Variants in LRP6 observed in about 807,000 individuals in gnomAD.
The protein encoded by LRP6 is low-density lipoprotein receptor-related protein 6.
A neutral mutation model predicts 184.1 loss-of-function variants in LRP6; 43 were observed. The ratio of observed to expected loss-of-function variants is 0.23; its 90% confidence interval spans 0.18 to 0.30. The LOEUF is 0.30. Among genes scored for constraint, LRP6 ranks in the 10% least tolerant of loss-of-function variants. The pLI is 1.00. For synonymous variants in LRP6, 719 were observed against 684.9 expected, an observed-to-expected ratio of 1.05 and a Z score of -0.78; for missense variants, 1,571 against 2,005.3, an observed-to-expected ratio of 0.78 and a Z score of 4.14.
chr12:12,187,760 C>CA (rs1863512540), intron 3 of LRP6, among the ~76,000 whole-genome samples: 1 of 152,042 alleles, frequency 6.6e-6, no homozygotes, highest in Non-Finnish European at 1.5e-5. Flanking sequence ...ATTCAGGCAG[C>CA]CAAAAAGAAG....
chr12:12,250,925 T>A lies in LRP6; in HGVS notation c.56-6270A>T, dbSNP rs528102663. Among the ~76,000 whole-genome samples, 6 of 147,826 alleles carry A rather than the reference T, an allele frequency of 4.1e-5. No individual in the cohort carries two copies. The South Asian group carries it at 1.3e-3, about 32-fold the overall frequency. On this transcript the variant is annotated intron_variant, in intron 1 of 22. Transcript: ENST00000261349. ...ACGTGAGCCAACGCACCTGGCTTGA[T>A]TTTTTTCTTCTTCTTCGTTTTTCGA...
intron 2 of LRP6, among the ~76,000 whole-genome samples, chr12:12,240,779 T>C (rs1180499700): frequency 6.6e-6 from 1 of 152,064 alleles, no homozygotes; most frequent in East Asian, 1.9e-4. Context: ...ATCACCAAGA[T>C]TAGTACGGTT....
At position 12,127,561 on chromosome 12, in the gene LRP6, A is replaced by G. The variant is rs973103607; in HGVS notation, c.4082-640T>C. ...AACATAAGGTCTTTAATACCTGATT[A>G]CTGGAGGACTCACAAAGAAAGGCCA... On this transcript the variant is annotated intron_variant, in intron 19 of 22. Transcript: ENST00000261349. Among the ~76,000 whole-genome samples the G allele has an allele frequency of 1.6e-3, 249 of 152,292 alleles. 1 individual carries two copies. Among genetic ancestry groups the G allele is most frequent in the African/African-American group, 5.6e-3 (233 of 41,562 alleles).
chr12:12,221,366 C>A (rs1864484253), intron 2 of LRP6, among the ~76,000 whole-genome samples: 1 of 152,166 alleles, frequency 6.6e-6, no homozygotes, highest in Non-Finnish European at 1.5e-5. Context: ...ATAACCAGTT[C>A]TTGAATATTA....
chr12:12,241,983 A>G (rs1267665369), intron 2 of LRP6, among the ~76,000 whole-genome samples: 4 of 152,236 alleles, frequency 2.6e-5, no homozygotes, highest in Non-Finnish European at 5.9e-5. Flanking sequence ...TGCTACCCAG[A>G]AGTAAAGCTC....
intron 2 of LRP6, among the ~76,000 whole-genome samples, chr12:12,206,330 C>A (rs1437971030): frequency 2.0e-5 from 3 of 151,510 alleles, no homozygotes; most frequent in Non-Finnish European, 2.9e-5. Context: ...ATCACGAGGT[C>A]AGGAGATTGA....
intron 15 of LRP6, among the ~76,000 whole-genome samples, chr12:12,139,859 T>A (rs1285469151): frequency 1.3e-5 from 2 of 152,104 alleles, no homozygotes; most frequent in African/African-American, 4.8e-5. Context: ...CCAGGGATAA[T>A]GACACAGTAG....
intron 15 of LRP6, among the ~76,000 whole-genome samples, chr12:12,144,911 C>T (rs1412486544): frequency 1.0e-4 from 3 of 30,010 alleles, no homozygotes; most frequent in African/African-American, 9.5e-4. Context: ...TGGGGCCTGT[C>T]GGGGGGTGGG....
At chr12:12,176,848 T>C (rs2075341224) in intron 7 of LRP6, among the ~76,000 whole-genome samples, 1 of 148,618 alleles carries the variant, frequency 6.7e-6, no homozygotes, top group South Asian at 2.1e-4. Context: ...CCAAACTTTT[T>C]TTTTTTTTTT....
In LRP6 at chr12:12,159,247, C is replaced by A. The variant is rs1001778889; in HGVS notation, c.2465-92G>T. On this transcript the variant is annotated intron_variant, in intron 11 of 22. Transcript: ENST00000261349. ...TTGCTGGCAAAAAGAAAAAAAAAAG[C>A]CCTAACATATAAAACATTACATTGT... 3.3e-6 allele frequency: 3 copies of A among 895,668 alleles called. No individual in the cohort carries two copies. In the East Asian group the frequency reaches 7.6e-5, roughly 23 times the overall value. 55.5% of individuals were successfully genotyped at this position (895,668 alleles called of 1,614,324 possible).
At position 12,126,817 on chromosome 12, in the gene LRP6, T is replaced by C; in HGVS notation, c.4186A>G (p.Arg1396Gly). The C allele has an allele frequency of 1.9e-6, 3 of 1,614,098 alleles. No homozygotes were observed. The highest frequency in any genetic ancestry group is 2.5e-6 in the Non-Finnish European group (3 of 1,179,960). Residue 1396 changes from arginine to glycine, a missense_variant, in exon 20 of 23, where the codon AGG becomes GGG. Coordinates refer to ENST00000261349, the MANE Select transcript of LRP6 (RefSeq NM_002336.3). Reference protein sequence around the residue: ...VSGTVYFICQRMLCPRMKGDG... With the variant: ...VSGTVYFICQGMLCPRMKGDG... ...CCCTTCATACGTGGACACAACATCC[T>C]CTGGCAGATAAAGTATACAGTTCCA...
chr12:12,182,705 G>A (rs909962231), intron 5 of LRP6, among the ~76,000 whole-genome samples: 1 of 152,156 alleles, frequency 6.6e-6, no homozygotes, highest in African/African-American at 2.4e-5. Flanking sequence ...CAGCCCAAAT[G>A]CCACTGCAGG....
At chr12:12,132,130 G>A (rs1382285800) in intron 17 of LRP6, 73 bp from the exon 18 acceptor site, 5 of 892,654 alleles carry the variant, frequency 5.6e-6, no homozygotes, top group Middle Eastern at 2.6e-4. Context: ...ACACATACCT[G>A]AGTGAAGCTC....
chr12:12,131,051 G>C (rs371939844), intron 18 of LRP6, among the ~76,000 whole-genome samples, 158 bp from the exon 19 acceptor site: 54 of 147,202 alleles, frequency 3.7e-4, no homozygotes, highest in African/African-American at 1.3e-3. Flanking sequence ...GGTTGAGAGA[G>C]AGAAAAAAGA....
intron 2 of LRP6, among the ~76,000 whole-genome samples, chr12:12,223,962 A>T (rs1249560810): frequency 6.6e-6 from 1 of 152,200 alleles, no homozygotes; most frequent in Non-Finnish European, 1.5e-5. Flanking sequence ...CTATACCTTT[A>T]TATGAAGCAA....
At chr12:12,224,088 C>A (rs1864554281) in intron 2 of LRP6, among the ~76,000 whole-genome samples, 1 of 152,182 alleles carries the variant, frequency 6.6e-6, no homozygotes, top group South Asian at 2.1e-4. Flanking sequence ...CCCCCATCAC[C>A]CACTTCAATG....
rs779632478 is a variant in LRP6, at chr12:12,179,905, A to G, written c.1450T>C (p.Leu484=). 5 of 1,613,876 alleles carry G rather than the reference A, an allele frequency of 3.1e-6. No homozygotes were observed. In the East Asian group the frequency reaches 1.1e-4, roughly 36 times the overall value. ...GGCCAACCAAGAGAAGTGTTAACCA[A>G]TACTACACGGTCAGAACCATCCAGA... ...AALDGSDRVV[L]VNTSLGWPNG... is the part of the protein sequence containing the mutation. The change falls in exon 7 of 23, where the codon TTG becomes CTG. Residue 484 remains leucine (L), a synonymous_variant. Transcript: ENST00000261349.
chr12:12,224,604 AAATT>A (rs1337563391), intron 2 of LRP6, among the ~76,000 whole-genome samples: 23 of 152,260 alleles, frequency 1.5e-4, no homozygotes, highest in Non-Finnish European at 2.2e-4. Flanking sequence ...TATCAAAAAT[AAATT>A]AATGAAAGCT....
chr12:12,183,909 T>G, intron 5 of LRP6, 71 bp downstream of exon 5: 1 of 1,426,716 alleles, frequency 7.0e-7, no homozygotes, highest in East Asian at 2.3e-5. Context: ...AGAGAGCTGA[T>G]TATAGAGAAA....
Sources: allele counts gnomAD v4.1 joint callset (sites outside exome capture counted in the v4.1 genomes callset), GRCh38; gene constraint gnomAD v4.1.1; transcripts MANE v1.5; gene names NCBI Gene and HGNC (gene_info 2026-07-23, HGNC 2026-07-21).